Variants in IRF4 observed in about 807,000 individuals in gnomAD.
IRF4 encodes interferon regulatory factor 4.
IRF4 carries 13 observed loss-of-function variants against 55.5 expected under a neutral mutation model. The ratio of observed to expected loss-of-function variants is 0.23; its 90% CI spans 0.15 to 0.37. The LOEUF (loss-of-function observed/expected upper bound fraction) is 0.37, where lower values mean the gene tolerates loss of function less well. Ranked by LOEUF, IRF4 falls within the 10% of genes least tolerant of loss-of-function variation. The pLI, the probability that IRF4 is intolerant of heterozygous loss-of-function variation, is 1.00. For missense variants in IRF4, 397 were observed against 593.8 expected, an observed-to-expected ratio of 0.67 and a Z score of 3.44; for synonymous variants, 249 against 240.7, an observed-to-expected ratio of 1.03 and a Z score of -0.32.
chr6:404,327 A>C (rs949475298), intron 7 of IRF4, among the ~76,000 whole-genome samples: 2 of 152,192 alleles, frequency 1.3e-5, no homozygotes, highest in African/African-American at 4.8e-5. Context: ...TTCAGGATGT[A>C]CATGTGTATA....
intron 1 of IRF4, among the ~76,000 whole-genome samples, chr6:392,081 G>C (rs980408995): frequency 1.6e-4 from 25 of 152,316 alleles, no homozygotes; most frequent in Admixed American, 1.5e-3. Flanking sequence ...CAAGCTGGAC[G>C]GGATGAGCTA....
At position 401,809 on chromosome 6, in the gene IRF4, G is replaced by T. The variant is rs200259641; in HGVS notation, c.1099+32G>T. On this transcript the variant is annotated intron_variant, in intron 7 of 8. Coordinates refer to ENST00000380956, the MANE Select transcript of IRF4 (RefSeq NM_002460.4). ...CACCTCGTTATCTGTTAGAATGGAGGTGGTGATGGCCTGCCTGCCACAGGG... is the reference window on the plus strand; with the variant it reads ...CACCTCGTTATCTGTTAGAATGGAGTTGGTGATGGCCTGCCTGCCACAGGG... The T allele has an allele frequency of 1.3e-5, 21 of 1,594,824 alleles. No homozygotes were observed. In the East Asian group the frequency reaches 4.5e-4, roughly 34 times the overall value.
rs573306359 is a variant in IRF4 at position 397,351 on chromosome 6, T to C, written c.637+99T>C. 105 of 1,419,250 alleles carry C rather than the reference T, an allele frequency of 7.4e-5. No individual in the cohort carries two copies. The African/African-American group carries it at 1.4e-3, about 19-fold the overall frequency. 87.9% of individuals were successfully genotyped at this position (1,419,250 alleles called of 1,614,324 possible). A position where few individuals can be genotyped will look rare whatever the true frequency, so the allele number is the denominator to read the frequency against. On this transcript the variant is annotated intron_variant, in intron 5 of 8. Coordinates refer to ENST00000380956, the MANE Select transcript of IRF4 (RefSeq NM_002460.4). ...CTGTCCTGGGCAGCACCAAAGCTCT[T>C]TCCCCTTCTTAGAGGCTGCGTGTGC...
Position 397,155 on chromosome 6 carries a change from C to T in IRF4, c.540C>T (p.Asp180=). The change falls in exon 5 of 9, where the codon GAC becomes GAT. Residue 180 remains aspartate, a synonymous_variant. Coordinates refer to ENST00000380956, the MANE Select transcript of IRF4 (RefSeq NM_002460.4). ...MMPPLDRSWR[D]YVPDQPHPEI... is the part of the protein sequence containing the mutation. Reference sequence around the variant, plus strand: ...CACCCCTCGACCGAAGCTGGAGGGACTACGTCCCGGATCAGCCACACCCGG... The same window carrying T: ...CACCCCTCGACCGAAGCTGGAGGGATTACGTCCCGGATCAGCCACACCCGG... 6.2e-7 allele frequency: 1 copy of T among 1,614,278 alleles called. No individual in the cohort carries two copies. Among genetic ancestry groups the T allele is most frequent in the South Asian group, 1.1e-5 (1 of 91,092 alleles).
intron 4 of IRF4, 76 bp downstream of exon 4, chr6:396,011 C>T (rs1022665553): frequency 2.6e-6 from 3 of 1,147,612 alleles, no homozygotes; most frequent in Non-Finnish European, 3.8e-6. Context: ...AGAACCACAG[C>T]AGCCCAGACA....
At position 408,816 on chromosome 6, in the gene IRF4, G is replaced by A. The variant is rs116527520; in HGVS notation, c.*1218G>A. The A allele has an allele frequency of 0.043, 9,982 of 233,792 alleles. 304 individuals are homozygous for A. Among genetic ancestry groups the A allele is most frequent in the Middle Eastern group, 0.092 (72 of 780 alleles). 14.5% of individuals were successfully genotyped at this position (233,792 alleles called of 1,614,324 possible). On this transcript the variant is annotated 3_prime_UTR_variant, in exon 9 of 9. Coordinates refer to ENST00000380956, the MANE Select transcript of IRF4 (RefSeq NM_002460.4). ...CTGGAAGCAGGATGGAGCTGACTAC[G>A]GAACTGCACACTCAGTGGGCTGTTT... is the stretch of plus-strand genomic sequence containing the variant.
At position 393,093 on chromosome 6, in the gene IRF4, C is replaced by T. The variant is rs1047272005; in HGVS notation, c.-55-5C>T. 8 of 1,463,064 alleles carry T rather than the reference C, an allele frequency of 5.5e-6. No homozygotes were observed. The African/African-American group carries it at 5.6e-5, about 10-fold the overall frequency. 90.6% of individuals were successfully genotyped at this position (1,463,064 alleles called of 1,614,324 possible). A position where few individuals can be genotyped will look rare whatever the true frequency, so the allele number is the denominator to read the frequency against. ...GTGGCTGAAGGGCAGCTCTTCTCCCCGCAGTGCAGAGCAGAGCGGGCGGAG... is the reference window on the plus strand; with the variant it reads ...GTGGCTGAAGGGCAGCTCTTCTCCCTGCAGTGCAGAGCAGAGCGGGCGGAG... On this transcript the variant is annotated splice_region_variant and splice_polypyrimidine_tract_variant and intron_variant, in intron 1 of 8. Transcript: ENST00000380956. The surrounding 1 kb of genome is among the most constrained non-coding windows in gnomAD (Gnocchi z 5.4).
chr6:407,371 G>C, intron 8 of IRF4, 84 bp from the exon 9 acceptor site: 1 of 1,268,780 alleles, frequency 7.9e-7, no homozygotes, highest in East Asian at 2.3e-5. Context: ...TTACGTTACT[G>C]TCTCCTTAGA....
intron 3 of IRF4, among the ~76,000 whole-genome samples, chr6:395,621 G>A (rs952506042): frequency 2.6e-5 from 4 of 152,254 alleles, no homozygotes; most frequent in African/African-American, 7.2e-5. Flanking sequence ...CATCTGTCAT[G>A]TATTTCTTTA....
chr6:393,405 G>A lies in IRF4; in HGVS notation c.216+37G>A. The A allele has an allele frequency of 1.3e-6, 2 of 1,484,862 alleles. No homozygotes were observed. The highest frequency in any genetic ancestry group is 1.8e-6 in the Non-Finnish European group (2 of 1,102,902). The allele number at this position is 1,484,862 out of a possible 1,614,324, so 92.0% of individuals were successfully genotyped here. ...CGGGAGCCGGCGGGGGCGCGCCGGG[G>A]AGGGCCCAGAGACAGAGCCCGGGGT... is the stretch of plus-strand genomic sequence containing the variant. On this transcript the variant is annotated intron_variant, in intron 2 of 8. Coordinates refer to ENST00000380956, the MANE Select transcript of IRF4 (RefSeq NM_002460.4). The surrounding 1 kb of genome is among the most constrained non-coding windows in gnomAD (Gnocchi z 5.4).
rs1349351126 is a variant in IRF4, at chr6:393,068, G to C, written c.-55-30G>C. ...CGGGGTGCCCGGAGTGCGGTGCCTC[G>C]TGGCTGAAGGGCAGCTCTTCTCCCC... On this transcript the variant is annotated intron_variant, in intron 1 of 8. Transcript: ENST00000380956. This position sits in a 1 kb window ranked among gnomAD's most constrained non-coding sequence, Gnocchi z 5.4. The C allele has an allele frequency of 7.8e-7, 1 of 1,288,538 alleles. No individual in the cohort carries two copies. Among genetic ancestry groups the C allele is most frequent in the African/African-American group, 1.5e-5 (1 of 66,930 alleles). 79.8% of individuals were successfully genotyped at this position (1,288,538 alleles called of 1,614,324 possible). A position where few individuals can be genotyped will look rare whatever the true frequency, so the allele number is the denominator to read the frequency against.
At chr6:392,824 C>G (rs1021438577) in intron 1 of IRF4, among the ~76,000 whole-genome samples, 1 of 152,134 alleles carries the variant, frequency 6.6e-6, no homozygotes, top group Non-Finnish European at 1.5e-5. Context: ...GTGTCGGGAG[C>G]CTTTGGGCTG....
chr6:407,629 CTTTTTTTTT>C lies in IRF4; in HGVS notation c.*42_*50del, dbSNP rs566047868. On this transcript the variant is annotated 3_prime_UTR_variant, in exon 9 of 9. Coordinates refer to ENST00000380956, the MANE Select transcript of IRF4 (RefSeq NM_002460.4). ...GTCAAGATGAGTGGTTTTCTTTTTC[CTTTTTTTTT>C]TTTTTTTTTTGATACGGGGATACGG... The C allele has an allele frequency of 3.1e-6, 4 of 1,284,764 alleles. No homozygotes were observed. The highest frequency in any genetic ancestry group is 1.6e-5 in the African/African-American group (1 of 60,878). The allele number at this position is 1,284,764 out of a possible 1,614,324, so 79.6% of individuals were successfully genotyped here.
At chr6:404,777 G>A (rs544248238) in intron 7 of IRF4, among the ~76,000 whole-genome samples, 3 of 152,304 alleles carry the variant, frequency 2.0e-5, no homozygotes, top group South Asian at 2.1e-4. Context: ...TTTAGCTGTC[G>A]ACTAGTTCCT....
At position 405,291 on chromosome 6, in the gene IRF4, G is replaced by T. The variant is rs115862761; in HGVS notation, c.1212+161G>T. 1.4e-3 allele frequency among the ~76,000 whole-genome samples: 215 copies of T among 152,340 alleles called. 1 individual carries two copies. Among genetic ancestry groups the T allele is most frequent in the African/African-American group, 4.9e-3 (202 of 41,590 alleles). ...GGGAGGAAGCATGGTCCAACGAGCA[G>T]CACAGTCTGAGGACTCACGTGCTCC... On this transcript the variant is annotated intron_variant, in intron 8 of 8. Coordinates refer to ENST00000380956, the MANE Select transcript of IRF4 (RefSeq NM_002460.4).
Position 401,537 on chromosome 6 carries a change from C to G in IRF4, c.859C>G (p.Leu287Val). Residue 287 changes from leucine to valine, a missense_variant, in exon 7 of 9, where the codon CTG becomes GTG. By Grantham distance (32) the Leu-to-Val change is conservative. This residue lies in a region of IRF4 where 341 missense variants were observed against 548.1 expected (regional missense o/e 0.62). Coordinates refer to ENST00000380956, the MANE Select transcript of IRF4 (RefSeq NM_002460.4). ...SHGHTYDASN[L>V]DQVLFPYPED... ...TGGACATACGTATGACGCCAGCAAC[C>G]TGGACCAGGTCCTGTTCCCCTACCC... is the stretch of plus-strand genomic sequence containing the variant. 6.2e-7 allele frequency: 1 copy of G among 1,614,110 alleles called. No individual in the cohort carries two copies. The highest frequency in any genetic ancestry group is 2.2e-5 in the East Asian group (1 of 44,888).
In IRF4 at chr6:396,573, C is replaced by T. The variant is rs138436278; in HGVS notation, c.493-535C>T. 3.6e-3 allele frequency among the ~76,000 whole-genome samples: 541 copies of T among 148,228 alleles called. 1 individual carries two copies. Among genetic ancestry groups the T allele is most frequent in the African/African-American group, 0.012 (492 of 39,674 alleles). The stretch of plus-strand genomic sequence containing the variant: ...GCCAGTGCTTCTTATCTCAGCCTCT[C>T]CTGCACTCCTTTACCCCCGTCTCGA... On this transcript the variant is annotated intron_variant, in intron 4 of 8. Transcript: ENST00000380956.
In IRF4 at chr6:407,664, G is replaced by A; in HGVS notation, c.*66G>A. The A allele has an allele frequency of 2.1e-6, 3 of 1,396,868 alleles. No homozygotes were observed. The highest frequency in any genetic ancestry group is 2.9e-6 in the Non-Finnish European group (3 of 1,025,046). 86.5% of individuals were successfully genotyped at this position (1,396,868 alleles called of 1,614,324 possible). Reference sequence around the variant, plus strand: ...TTTTTTTTTTGATACGGGGATACGGGGTCTTGCTCTGTCTCCCAGGCTGGA... The same window carrying A: ...TTTTTTTTTTGATACGGGGATACGGAGTCTTGCTCTGTCTCCCAGGCTGGA... On this transcript the variant is annotated 3_prime_UTR_variant, in exon 9 of 9. Coordinates refer to ENST00000380956, the MANE Select transcript of IRF4 (RefSeq NM_002460.4).
At chr6:398,675 C>T (rs554513366) in intron 5 of IRF4, among the ~76,000 whole-genome samples, 153 bp from the exon 6 acceptor site, 3 of 152,364 alleles carry the variant, frequency 2.0e-5, no homozygotes, top group East Asian at 1.9e-4. Context: ...CTCACAAGAG[C>T]GTGCCCTGCT....
Sources: allele counts gnomAD v4.1 joint callset (sites outside exome capture counted in the v4.1 genomes callset), GRCh38; gene constraint gnomAD v4.1.1; regional missense constraint gnomAD v4.1.1; non-coding constraint Gnocchi (gnomAD v3.1); transcripts MANE v1.5; gene names NCBI Gene and HGNC (gene_info 2026-07-23, HGNC 2026-07-21).